Variants in EIF2AK2 observed in about 807,000 individuals in gnomAD.
EIF2AK2 encodes eukaryotic translation initiation factor 2 alpha kinase 2.
A neutral mutation model predicts 70.5 loss-of-function variants in EIF2AK2; 40 were observed. The ratio of observed to expected loss-of-function variants is 0.57; its 90% CI spans 0.44 to 0.74. The LOEUF is 0.74. Among genes scored for constraint, EIF2AK2 ranks in the 30% least tolerant of loss-of-function variants. The pLI is 0.00. For synonymous variants in EIF2AK2, 198 were observed against 220.9 expected (o/e 0.90, Z 0.92); for missense variants, 555 against 644.3 (o/e 0.86, Z 1.50).
chr2:37,150,436 ATT>A (rs756515370), intron 1 of EIF2AK2, among the ~76,000 whole-genome samples: 1 of 151,860 alleles, frequency 6.6e-6, no homozygotes, highest in Non-Finnish European at 1.5e-5. Context: ...TTTTTTTTGC[ATT>A]TTTTTCTACA....
chr2:37,113,517 A>C (rs1674231075), intron 14 of EIF2AK2, among the ~76,000 whole-genome samples: 1 of 151,294 alleles, frequency 6.6e-6, no homozygotes, highest in South Asian at 2.1e-4. Flanking sequence ...AAAAAAAAAA[A>C]AAAAGCTGCA....
intron 8 of EIF2AK2, 52 bp from the exon 9 acceptor site, chr2:37,137,069 T>C: frequency 6.7e-7 from 1 of 1,492,672 alleles, no homozygotes; most frequent in Non-Finnish European, 9.1e-7. Flanking sequence ...TCAGTCATCT[T>C]CCTTTCCCGT....
At chr2:37,122,719 C>T (rs1174078246) in intron 11 of EIF2AK2, 55 bp from the exon 12 acceptor site, 23 of 1,595,396 alleles carry the variant, frequency 1.4e-5, no homozygotes, top group South Asian at 4.5e-5. Flanking sequence ...CTCATAACAA[C>T]CACAAAACAC....
rs372171549 is a variant in EIF2AK2, at chr2:37,114,779, T to C, written c.1329A>G (p.Gly443=). Residue 443 remains glycine (G), a synonymous_variant, in exon 14 of 17, where the codon GGA becomes GGG. Coordinates refer to ENST00000233057, the MANE Select transcript of EIF2AK2 (RefSeq NM_001135651.3). ...AAGTTCCCTTACTCCTTGTTCGCTT[T>C]CCATCATTTTTCAGAGATGTTACAA... ...FGLVTSLKND[G]KRTRSKGTLR... The C allele has an allele frequency of 6.8e-6, 11 of 1,606,062 alleles. No individual in the cohort carries two copies. The South Asian group carries it at 1.0e-4, about 15-fold the overall frequency.
intron 8 of EIF2AK2, among the ~76,000 whole-genome samples, chr2:37,137,446 A>C (rs1317012156): frequency 6.6e-6 from 1 of 152,128 alleles, no homozygotes; most frequent in East Asian, 1.9e-4. Flanking sequence ...TTGCCTGCTT[A>C]TGTGCACAAA....
intron 2 of EIF2AK2, among the ~76,000 whole-genome samples, chr2:37,148,051 C>G (rs765224093): frequency 3.7e-4 from 57 of 152,146 alleles, no homozygotes; most frequent in Non-Finnish European, 7.1e-4. Context: ...TCAACTTGGC[C>G]AGGTGTGGTG....
chr2:37,146,273 A>G (rs4648171), intron 4 of EIF2AK2, among the ~76,000 whole-genome samples: 4,498 of 152,296 alleles, frequency 0.03, 97 homozygotes, highest in Middle Eastern at 0.054. Flanking sequence ...TGTTTGCCCA[A>G]TGAGGAAATT....
rs1268013717 is a variant in EIF2AK2, at chr2:37,100,489, G to A, written c.*6784C>T. On this transcript the variant is annotated 3_prime_UTR_variant, in exon 17 of 17. Coordinates refer to ENST00000233057, the MANE Select transcript of EIF2AK2 (RefSeq NM_001135651.3). ...CACAGATTTGAGAAGCATTTTATTT[G>A]CCTCACAGTTTTGCCTATTATACAG... 1 of 152,172 alleles carries A rather than the reference G, an allele frequency of 6.6e-6. No homozygotes were observed. The highest frequency in any genetic ancestry group is 6.5e-5 in the Admixed American group (1 of 15,282). The allele number at this position is 152,172 out of a possible 1,614,324, so 9.4% of individuals were successfully genotyped here.
At chr2:37,143,815 A>G (rs1053921258) in intron 4 of EIF2AK2, among the ~76,000 whole-genome samples, 5 of 151,926 alleles carry the variant, frequency 3.3e-5, no homozygotes, top group African/African-American at 1.2e-4. Context: ...GCCTGGGGAG[A>G]TTGAGGCTGC....
At chr2:37,155,810 G>C (rs192001839) in intron 1 of EIF2AK2, among the ~76,000 whole-genome samples, 1 of 151,886 alleles carries the variant, frequency 6.6e-6, no homozygotes, top group Admixed American at 6.6e-5. Flanking sequence ...CTGTGCTGGC[G>C]GGCACCTGTA....
chr2:37,116,281 A>G (rs4648223), intron 13 of EIF2AK2, among the ~76,000 whole-genome samples: 6 of 151,966 alleles, frequency 3.9e-5, no homozygotes, highest in African/African-American at 1.2e-4. Context: ...TTTCAGTGGC[A>G]TGATCATGGC....
chr2:37,145,742 C>CTTTTT lies in EIF2AK2; in HGVS notation c.240+1106_240+1110dup, dbSNP rs56051707. Among the ~76,000 whole-genome samples the CTTTTT allele has an allele frequency of 2.3e-4, 12 of 51,222 alleles. 3 individuals carry two copies. The highest frequency in any genetic ancestry group is 9.7e-4 in the African/African-American group (12 of 12,386). 33.6% of individuals were successfully genotyped at this position (51,222 alleles called of 152,430 possible). ...CTTATATGGGTGTACTTTTGCTTGT[C>CTTTTT]TTTTTTTTTTTTTTTTTTTTTTTTT... On this transcript the variant is annotated intron_variant, in intron 4 of 16. Coordinates refer to ENST00000233057, the MANE Select transcript of EIF2AK2 (RefSeq NM_001135651.3).
intron 10 of EIF2AK2, among the ~76,000 whole-genome samples, chr2:37,134,241 A>G (rs906848331): frequency 1.3e-5 from 2 of 151,792 alleles, no homozygotes; most frequent in African/African-American, 2.4e-5. Flanking sequence ...ACCTATTACA[A>G]CTCCCTACAA....
chr2:37,115,744 G>T (rs1674320097), intron 13 of EIF2AK2, among the ~76,000 whole-genome samples: 1 of 152,052 alleles, frequency 6.6e-6, no homozygotes, highest in Non-Finnish European at 1.5e-5. Flanking sequence ...TTCTCTTGGG[G>T]GTCTTTTCTC....
chr2:37,135,997 C>T (rs1285500431), intron 9 of EIF2AK2, among the ~76,000 whole-genome samples: 1 of 152,148 alleles, frequency 6.6e-6, no homozygotes, highest in Non-Finnish European at 1.5e-5. Flanking sequence ...TTTTTCATCC[C>T]TCCTCTGGTT....
chr2:37,138,262 T>C lies in EIF2AK2; in HGVS notation c.687+8A>G. ...ATTAAGTAGGAAGCTTCGAGACTAATACGATACCATAAGCAACGAAGAACT... is the reference window on the plus strand; with the variant it reads ...ATTAAGTAGGAAGCTTCGAGACTAACACGATACCATAAGCAACGAAGAACT... On this transcript the variant is annotated splice_region_variant and intron_variant, in intron 8 of 16. Coordinates refer to ENST00000233057, the MANE Select transcript of EIF2AK2 (RefSeq NM_001135651.3). 1.9e-6 allele frequency: 3 copies of C among 1,605,212 alleles called. No homozygotes were observed. Among genetic ancestry groups the C allele is most frequent in the South Asian group, 2.2e-5 (2 of 90,200 alleles).
intron 10 of EIF2AK2, among the ~76,000 whole-genome samples, chr2:37,132,977 C>A (rs192661636): frequency 2.0e-5 from 3 of 152,286 alleles, no homozygotes; most frequent in Admixed American, 1.3e-4. Context: ...CAGAAATCAT[C>A]CCCAGGTTCA....
intron 4 of EIF2AK2, among the ~76,000 whole-genome samples, chr2:37,146,391 A>G (rs1446434671): frequency 6.6e-6 from 1 of 152,240 alleles, no homozygotes; most frequent in Non-Finnish European, 1.5e-5. Flanking sequence ...TTTTATATAA[A>G]GGACTTGAGC....
intron 5 of EIF2AK2, among the ~76,000 whole-genome samples, chr2:37,140,363 T>C (rs1486145560): frequency 6.6e-6 from 1 of 152,220 alleles, no homozygotes; most frequent in Non-Finnish European, 1.5e-5. Context: ...CTTGGACAAT[T>C]ATATAATAAC....
Sources: allele counts gnomAD v4.1 joint callset (sites outside exome capture counted in the v4.1 genomes callset), GRCh38; gene constraint gnomAD v4.1.1; transcripts MANE v1.5; gene names NCBI Gene and HGNC (gene_info 2026-07-23, HGNC 2026-07-21).